Variants in GADL1 observed in about 807,000 individuals in gnomAD.
GADL1 encodes GAD like acidic amino acid decarboxylase 1, also known as acidic amino acid decarboxylase GADL1.
Under a neutral mutation model 69.5 loss-of-function variants are expected in GADL1, and 71 were observed. The observed-to-expected ratio is 1.02, with a 90% confidence interval of 0.84 to 1.25. The LOEUF is 1.25. GADL1 is among the 50% of genes most tolerant of loss of function. The pLI, the probability that GADL1 is intolerant of heterozygous loss-of-function variation, is 0.00. For synonymous variants in GADL1, 254 were observed against 214.4 expected, an observed-to-expected ratio of 1.18 and a Z score of -1.62; for missense variants, 737 against 631.8, an observed-to-expected ratio of 1.17 and a Z score of -1.79.
intron 14 of GADL1, among the ~76,000 whole-genome samples, chr3:30,775,125 A>G (rs973600729): frequency 1.2e-4 from 18 of 152,180 alleles, no homozygotes; most frequent in Admixed American, 2.6e-4. Context: ...GTTAGGCTAC[A>G]GTGATTGTGT....
chr3:30,813,027 C>G (rs149613999), intron 11 of GADL1, among the ~76,000 whole-genome samples: 2 of 152,186 alleles, frequency 1.3e-5, no homozygotes, highest in African/African-American at 4.8e-5. Flanking sequence ...ACTGCACACA[C>G]ACTCCATGAG....
At chr3:30,772,546 A>G (rs974153773) in intron 14 of GADL1, among the ~76,000 whole-genome samples, 1 of 152,162 alleles carries the variant, frequency 6.6e-6, no homozygotes, top group African/African-American at 2.4e-5. Flanking sequence ...AGAAGAAGCA[A>G]AGATACAAAC....
At chr3:30,761,030 C>T (rs1169513174) in intron 14 of GADL1, among the ~76,000 whole-genome samples, 1 of 150,274 alleles carries the variant, frequency 6.7e-6, no homozygotes, top group African/African-American at 2.4e-5. Context: ...AGAACACAAC[C>T]CACAAAACAT....
intron 11 of GADL1, among the ~76,000 whole-genome samples, chr3:30,814,549 T>C (rs577307922): frequency 6.6e-6 from 1 of 152,284 alleles, no homozygotes; most frequent in African/African-American, 2.4e-5. Context: ...TGAGCATGCC[T>C]GTGTTCTACT....
At chr3:30,761,798 C>T (rs533955209) in intron 14 of GADL1, among the ~76,000 whole-genome samples, 1 of 152,226 alleles carries the variant, frequency 6.6e-6, no homozygotes, top group South Asian at 2.1e-4. Flanking sequence ...TCCCCTCCAC[C>T]TAGTAGCTCT....
intron 14 of GADL1, among the ~76,000 whole-genome samples, chr3:30,752,056 G>A (rs2065583277): frequency 6.6e-6 from 1 of 152,146 alleles, no homozygotes; most frequent in Non-Finnish European, 1.5e-5. Context: ...GGCTACCCAG[G>A]CCCATGTGCT....
At chr3:30,751,877 C>T (rs1028822104) in intron 14 of GADL1, among the ~76,000 whole-genome samples, 20 of 152,204 alleles carry the variant, frequency 1.3e-4, no homozygotes, top group African/African-American at 4.1e-4. Context: ...CTAAATCTAG[C>T]TTCCCTTTTC....
intron 1 of GADL1, among the ~76,000 whole-genome samples, chr3:30,881,263 A>T (rs939240967): frequency 1.3e-5 from 2 of 152,012 alleles, no homozygotes; most frequent in Non-Finnish European, 2.9e-5. Flanking sequence ...TATCTGACAA[A>T]ATCATATAAC....
At chr3:30,741,059 T>C (rs575474874) in intron 14 of GADL1, among the ~76,000 whole-genome samples, 1 of 137,032 alleles carries the variant, frequency 7.3e-6, no homozygotes, top group East Asian at 2.0e-4. Context: ...ATCAGATATA[T>C]AAATGTTTGT....
At chr3:30,787,370 GC>G (rs1384419636) in intron 12 of GADL1, among the ~76,000 whole-genome samples, 1 of 152,094 alleles carries the variant, frequency 6.6e-6, no homozygotes, top group East Asian at 1.9e-4. Context: ...AGAACATGGT[GC>G]CCTATATAAT....
intron 13 of GADL1, chr3:30,779,055 C>A (rs1315761744): frequency 6.6e-6 from 1 of 152,214 alleles, no homozygotes; most frequent in African/African-American, 2.4e-5. Context: ...CCCTGCCAGT[C>A]TGTTTTTCTA....
intron 14 of GADL1, among the ~76,000 whole-genome samples, chr3:30,735,841 A>G (rs960289794): frequency 3.9e-5 from 6 of 152,090 alleles, no homozygotes; most frequent in Non-Finnish European, 8.8e-5. Flanking sequence ...GAATAATGGG[A>G]ACTGCATGGC....
chr3:30,851,672 C>T (rs946013052), intron 4 of GADL1, among the ~76,000 whole-genome samples: 1 of 152,068 alleles, frequency 6.6e-6, no homozygotes, highest in Non-Finnish European at 1.5e-5. Flanking sequence ...ATGTAAAGGC[C>T]TAGCCGTCTG....
chr3:30,886,391 A>G (rs1575248655), intron 1 of GADL1, among the ~76,000 whole-genome samples: 1 of 152,154 alleles, frequency 6.6e-6, no homozygotes, highest in East Asian at 1.9e-4. Flanking sequence ...TACAGTATCC[A>G]TAGTTTCTGC....
chr3:30,828,600 T>C (rs1276062634), intron 11 of GADL1, among the ~76,000 whole-genome samples: 1 of 151,764 alleles, frequency 6.6e-6, no homozygotes, highest in Non-Finnish European at 1.5e-5. Flanking sequence ...CAATTTACAA[T>C]TGTGTGTCAA....
At chr3:30,843,061 C>T (rs1292056930) in intron 8 of GADL1, among the ~76,000 whole-genome samples, 1 of 151,856 alleles carries the variant, frequency 6.6e-6, no homozygotes, top group Non-Finnish European at 1.5e-5. Flanking sequence ...AGGATAGATA[C>T]ACTTGTATCC....
At chr3:30,854,325 G>C (rs1233826776) in intron 4 of GADL1, among the ~76,000 whole-genome samples, 3 of 152,088 alleles carry the variant, frequency 2.0e-5, no homozygotes, top group Admixed American at 6.6e-5. Context: ...GGACCACTTC[G>C]ATTAGCATTT....
Position 30,786,337 on chromosome 3 carries a change from A to T in GADL1, c.1302+18T>A, listed in dbSNP as rs1325675548. The T allele has an allele frequency of 6.6e-7, 1 of 1,505,026 alleles. No individual in the cohort carries two copies. Among genetic ancestry groups the T allele is most frequent in the East Asian group, 2.3e-5 (1 of 44,126 alleles). 93.2% of individuals were successfully genotyped at this position (1,505,026 alleles called of 1,614,324 possible). ...TGTTAACTGACAAAATCACAAGCACAATTATGCAATCACTTACTTCCATCA... is the reference window on the plus strand; with the variant it reads ...TGTTAACTGACAAAATCACAAGCACTATTATGCAATCACTTACTTCCATCA... On this transcript the variant is annotated intron_variant, in intron 13 of 14. Transcript: ENST00000282538.
At chr3:30,823,835 G>C (rs368515630) in intron 11 of GADL1, among the ~76,000 whole-genome samples, 1 of 151,880 alleles carries the variant, frequency 6.6e-6, no homozygotes, top group Non-Finnish European at 1.5e-5. Context: ...AAATTATAAA[G>C]CTAGAAAGAC....
Sources: allele counts gnomAD v4.1 joint callset (sites outside exome capture counted in the v4.1 genomes callset), GRCh38; gene constraint gnomAD v4.1.1; transcripts MANE v1.5; gene names NCBI Gene and HGNC (gene_info 2026-07-23, HGNC 2026-07-21).